Variants in MAN1A2 observed in about 807,000 individuals in gnomAD.
The protein encoded by MAN1A2 is mannosyl-oligosaccharide 1,2-alpha-mannosidase IB.
A neutral mutation model predicts 75.7 loss-of-function variants in MAN1A2; 26 were observed. That is an observed-to-expected ratio of 0.34 (90% CI 0.25 to 0.48). The LOEUF is 0.48. Ranked by LOEUF, MAN1A2 falls within the 20% of genes least tolerant of loss-of-function variation. The pLI, the probability that MAN1A2 is intolerant of heterozygous loss-of-function variation, is 0.99. For synonymous variants in MAN1A2, 247 were observed against 264.6 expected (o/e 0.93, Z 0.65); for missense variants, 562 against 775.5 (o/e 0.72, Z 3.27).
At chr1:117,374,384 A>T (rs1653075329) in intron 1 of MAN1A2, among the ~76,000 whole-genome samples, 1 of 152,232 alleles carries the variant, frequency 6.6e-6, no homozygotes. Flanking sequence ...CTAGTTGTGC[A>T]AATTCTGTCA....
intron 8 of MAN1A2, among the ~76,000 whole-genome samples, chr1:117,479,845 C>T (rs563432687): frequency 1.4e-4 from 21 of 151,820 alleles, no homozygotes; most frequent in African/African-American, 4.8e-4. Context: ...TTTTTTATCC[C>T]TAGAAATCTT....
Position 117,493,241 on chromosome 1 carries a change from G to C in MAN1A2, c.1263G>C (p.Lys421Asn). ...ATAAAACAGACCATGAGGCAAGAAA[G>C]ATGTATGATGATGCTATTGAGGTGA... ...MSDKTDHEAR[K>N]MYDDAIEAIE... is the part of the protein sequence containing the mutation. Residue 421 changes from lysine to asparagine, a missense_variant, in exon 9 of 13, where the codon AAG becomes AAC. Transcript: ENST00000356554. 1.2e-6 allele frequency: 2 copies of C among 1,605,106 alleles called. No individual in the cohort carries two copies. Among genetic ancestry groups the C allele is most frequent in the Non-Finnish European group, 1.7e-6 (2 of 1,172,440 alleles).
intron 8 of MAN1A2, among the ~76,000 whole-genome samples, chr1:117,481,226 A>G (rs1650485899): frequency 6.6e-6 from 1 of 151,680 alleles, no homozygotes; most frequent in Admixed American, 6.6e-5. Flanking sequence ...CATAGCCAGT[A>G]GGTTCCTCTC....
intron 1 of MAN1A2, among the ~76,000 whole-genome samples, chr1:117,401,597 G>GC (rs1289631254): frequency 1.3e-5 from 2 of 152,092 alleles, no homozygotes; most frequent in Non-Finnish European, 2.9e-5. Flanking sequence ...CATCTGAGGA[G>GC]CTCTTCATGA....
intron 5 of MAN1A2, among the ~76,000 whole-genome samples, chr1:117,437,562 T>C (rs899042862): frequency 6.6e-6 from 1 of 152,166 alleles, no homozygotes; most frequent in Non-Finnish European, 1.5e-5. Flanking sequence ...TGTGCGTGTG[T>C]GTGTGTGGTC....
At chr1:117,394,934 G>A (rs374251740) in intron 1 of MAN1A2, among the ~76,000 whole-genome samples, 1 of 152,176 alleles carries the variant, frequency 6.6e-6, no homozygotes, top group African/African-American at 2.4e-5. Context: ...AGCTCCAGTA[G>A]AGAAGGAAAG....
intron 12 of MAN1A2, among the ~76,000 whole-genome samples, chr1:117,513,344 A>G (rs1468684199): frequency 1.3e-5 from 2 of 152,174 alleles, no homozygotes; most frequent in African/African-American, 4.8e-5. Context: ...TTTCACCACA[A>G]TAACGTTTAT....
At chr1:117,371,045 A>C (rs958328240) in intron 1 of MAN1A2, among the ~76,000 whole-genome samples, 16 of 152,204 alleles carry the variant, frequency 1.1e-4, no homozygotes, top group Non-Finnish European at 1.2e-4. Flanking sequence ...TCTACTTTAC[A>C]GATTGTTTTA....
chr1:117,502,018 A>G (rs1651216154), intron 11 of MAN1A2, among the ~76,000 whole-genome samples: 1 of 151,818 alleles, frequency 6.6e-6, no homozygotes, highest in African/African-American at 2.4e-5. Flanking sequence ...AAGGTTGTGA[A>G]TAGATTCCAT....
chr1:117,430,262 A>AC (rs1342192463), intron 5 of MAN1A2, among the ~76,000 whole-genome samples: 2 of 112,594 alleles, frequency 1.8e-5, no homozygotes, highest in African/African-American at 3.7e-5. Context: ...GGGGGGCTGA[A>AC]CCCCCCACCT....
intron 12 of MAN1A2, among the ~76,000 whole-genome samples, chr1:117,507,474 A>G (rs1377119383): frequency 2.6e-5 from 4 of 151,706 alleles, no homozygotes; most frequent in Admixed American, 2.0e-4. Flanking sequence ...AAAACTGGAT[A>G]TAAACCAAAA....
At chr1:117,383,683 A>C (rs979553419) in intron 1 of MAN1A2, among the ~76,000 whole-genome samples, 1 of 152,028 alleles carries the variant, frequency 6.6e-6, no homozygotes, top group Admixed American at 6.6e-5. Context: ...TGTTTTCAAG[A>C]ATTTGTCCAC....
chr1:117,497,482 A>T (rs1651066818), intron 10 of MAN1A2, among the ~76,000 whole-genome samples: 2 of 151,966 alleles, frequency 1.3e-5, no homozygotes, highest in South Asian at 2.1e-4. Context: ...CTTTAACTAA[A>T]AAGATCCTCT....
At position 117,405,554 on chromosome 1, in the gene MAN1A2, G is replaced by GA. The variant is rs1431726088; in HGVS notation, c.567dup (p.His190ThrfsTer5). 1 of 1,588,602 alleles carries GA rather than the reference G, an allele frequency of 6.3e-7. No individual in the cohort carries two copies. The highest frequency in any genetic ancestry group is 1.3e-5 in the African/African-American group (1 of 74,478). ...TATAATTTTTCTCTTTTCAGATGATGAAACATGCTTGGGATAACTATAGGA... is the reference window on the plus strand; with the variant it reads ...TATAATTTTTCTCTTTTCAGATGATGAAAACATGCTTGGGATAACTATAGGA... On this transcript the variant is annotated frameshift_variant, in exon 3 of 13. Transcript: ENST00000356554. LOFTEE classifies it high-confidence loss of function.
In MAN1A2 at chr1:117,387,216, T is replaced by TAAAAA. The variant is rs565416366; in HGVS notation, c.303-14955_303-14951dup. Among the ~76,000 whole-genome samples the TAAAAA allele has an allele frequency of 8.3e-3, 1,041 of 125,514 alleles. 6 individuals carry two copies. The highest frequency in any genetic ancestry group is 0.013 in the Admixed American group (162 of 12,140). The allele number at this position is 125,514 out of a possible 152,430, so 82.3% of individuals were successfully genotyped here. A position where few individuals can be genotyped will look rare whatever the true frequency, so the allele number is the denominator to read the frequency against. On this transcript the variant is annotated intron_variant, in intron 1 of 12. Coordinates refer to ENST00000356554, the MANE Select transcript of MAN1A2 (RefSeq NM_006699.5). ...TTCACATCTATTAGGATGGCTGTTG[T>TAAAAA]AAAAAAAAAAAAAAAAAAACAAAGT...
In MAN1A2 at chr1:117,442,234, T is replaced by C; in HGVS notation, c.859T>C (p.Phe287Leu). 2 of 1,582,116 alleles carry C rather than the reference T, an allele frequency of 1.3e-6. No individual in the cohort carries two copies. The highest frequency in any genetic ancestry group is 8.7e-7 in the Non-Finnish European group (1 of 1,150,966). ...AAYYLSGEEI[F>L]KIKAVQLAEK... The stretch of plus-strand genomic sequence containing the variant: ...ATATTCATGTTTTAAATCTCAGATA[T>C]TCAAGATTAAAGCAGTGCAATTGGC... Residue 287 changes from phenylalanine (F) to leucine (L), a missense_variant, in exon 6 of 13, where the codon TTC becomes CTC. By Grantham distance (22) the Phe-to-Leu change is conservative. Coordinates refer to ENST00000356554, the MANE Select transcript of MAN1A2 (RefSeq NM_006699.5).
At chr1:117,382,494 A>T (rs1320551745) in intron 1 of MAN1A2, among the ~76,000 whole-genome samples, 1 of 152,054 alleles carries the variant, frequency 6.6e-6, no homozygotes, top group Non-Finnish European at 1.5e-5. Flanking sequence ...ATAGTTGTAG[A>T]TATGCGGCAT....
intron 5 of MAN1A2, among the ~76,000 whole-genome samples, chr1:117,433,535 T>C (rs1345241913): frequency 3.3e-5 from 5 of 152,218 alleles, no homozygotes; most frequent in African/African-American, 1.2e-4. Context: ...GTAATGAAAA[T>C]CTTAGCATTG....
At chr1:117,471,203 A>G (rs1478664420) in intron 8 of MAN1A2, among the ~76,000 whole-genome samples, 1 of 151,888 alleles carries the variant, frequency 6.6e-6, no homozygotes, top group Non-Finnish European at 1.5e-5. Context: ...CCTTTGAGTT[A>G]GAAAATGAAT....
Sources: allele counts gnomAD v4.1 joint callset (sites outside exome capture counted in the v4.1 genomes callset), GRCh38; gene constraint gnomAD v4.1.1; transcripts MANE v1.5; gene names NCBI Gene and HGNC (gene_info 2026-07-23, HGNC 2026-07-21).